RPS6KA3: variants seen among roughly 807,000 people sequenced by gnomAD.
RPS6KA3 encodes ribosomal protein S6 kinase alpha-3.
RPS6KA3 carries 4 observed loss-of-function variants against 67.2 expected under a neutral mutation model. The observed-to-expected ratio is 0.06, with a 90% confidence interval of 0.03 to 0.14. The LOEUF (loss-of-function observed/expected upper bound fraction) is 0.14. Among genes scored for constraint, RPS6KA3 ranks in the 10% least tolerant of loss-of-function variants. The probability of loss-of-function intolerance (pLI) is 1.00; values close to 1 mark genes in which losing one functional copy is unlikely to be tolerated. For missense variants in RPS6KA3, 204 were observed against 559.0 expected, an observed-to-expected ratio of 0.36 and a Z score of 6.40; for synonymous variants, 182 against 183.7, an observed-to-expected ratio of 0.99 and a Z score of 0.07.
intron 2 of RPS6KA3, among the ~76,000 whole-genome samples, chrX:20,228,547 T>C (rs1285032641): frequency 9.0e-6 from 1 of 111,287 alleles, no homozygotes; most frequent in Non-Finnish European, 1.9e-5. Flanking sequence ...ACAGCTTCTC[T>C]GGTTTTCTCT....
intron 10 of RPS6KA3, among the ~76,000 whole-genome samples, 198 bp downstream of exon 10, chrX:20,186,098 T>C (rs976004156): frequency 1.8e-5 from 2 of 111,118 alleles, no homozygotes; most frequent in Non-Finnish European, 3.8e-5. Flanking sequence ...TGTACCACCA[T>C]GCCCGGCTAA....
At chrX:20,246,275 A>G (rs971525285) in intron 1 of RPS6KA3, among the ~76,000 whole-genome samples, 2 of 110,295 alleles carry the variant, frequency 1.8e-5, no homozygotes, top group Non-Finnish European at 3.8e-5. Context: ...CTAATCCATA[A>G]AATTTGGATC....
intron 1 of RPS6KA3, among the ~76,000 whole-genome samples, chrX:20,256,684 T>C (rs1190830793): frequency 8.9e-6 from 1 of 111,995 alleles, no homozygotes; most frequent in Admixed American, 9.5e-5. Flanking sequence ...TAACATCAAC[T>C]TCACTCAGTT....
intron 13 of RPS6KA3, among the ~76,000 whole-genome samples, 187 bp from the exon 14 acceptor site, chrX:20,175,475 C>T (rs930082590): frequency 8.9e-6 from 1 of 112,042 alleles, no homozygotes; most frequent in African/African-American, 3.2e-5. Flanking sequence ...ATTGCCATTA[C>T]AACACCAACA....
intron 4 of RPS6KA3, among the ~76,000 whole-genome samples, chrX:20,199,763 C>T (rs1003728954): frequency 3.6e-5 from 4 of 111,797 alleles, no homozygotes; most frequent in African/African-American, 9.7e-5. Flanking sequence ...TCTAAAGACT[C>T]CCAAAGAGGA....
At chrX:20,210,805 C>T (rs2085269428) in intron 2 of RPS6KA3, among the ~76,000 whole-genome samples, 1 of 110,945 alleles carries the variant, frequency 9.0e-6, no homozygotes, top group Admixed American at 9.6e-5. Flanking sequence ...ATTCTCACAA[C>T]GATCCTGTGC....
chrX:20,235,443 A>T (rs1275518765), intron 1 of RPS6KA3: 1 of 111,154 alleles, frequency 9.0e-6, no homozygotes, highest in African/African-American at 3.3e-5. Flanking sequence ...AAGGCAACAT[A>T]TAACAAAGGG....
intron 10 of RPS6KA3, 139 bp from the exon 11 acceptor site, chrX:20,177,223 G>A (rs2067721025): frequency 2.1e-6 from 1 of 484,198 alleles, no homozygotes; most frequent in Non-Finnish European, 3.6e-6. Context: ...GATCCCCTGT[G>A]CCCTTTACCC....
At chrX:20,257,472 A>T (rs892868087) in intron 1 of RPS6KA3, among the ~76,000 whole-genome samples, 1 of 112,536 alleles carries the variant, frequency 8.9e-6, no homozygotes, top group African/African-American at 3.2e-5. Flanking sequence ...TTAGTGAAAT[A>T]AATGTGCTGC....
intron 1 of RPS6KA3, among the ~76,000 whole-genome samples, chrX:20,264,337 C>T (rs1331939421): frequency 1.8e-5 from 2 of 111,871 alleles, no homozygotes; most frequent in African/African-American, 6.5e-5. Flanking sequence ...CCAAATGAGA[C>T]CTCTTATAAT....
At chrX:20,266,475 G>C (rs958217419) in intron 1 of RPS6KA3, 89 bp downstream of exon 1, 8 of 761,179 alleles carry the variant, frequency 1.1e-5, no homozygotes, top group African/African-American at 2.1e-5. Context: ...GGATCAGAAC[G>C]GGCCGAGTGG....
intron 4 of RPS6KA3, among the ~76,000 whole-genome samples, chrX:20,199,590 C>G (rs1257254888): frequency 8.9e-6 from 1 of 111,970 alleles, no homozygotes; most frequent in Non-Finnish European, 1.9e-5. Flanking sequence ...AAGAGCAGCA[C>G]TTACAAATGT....
chrX:20,203,554 C>T (rs990608175), intron 4 of RPS6KA3: 8 of 116,202 alleles, frequency 6.9e-5, no homozygotes, highest in Non-Finnish European at 1.2e-4. Flanking sequence ...TGAGCCACCA[C>T]GCCCGGCCTC....
chrX:20,173,328 C>G (rs1402288697), intron 14 of RPS6KA3, among the ~76,000 whole-genome samples: 3 of 111,851 alleles, frequency 2.7e-5, no homozygotes, highest in Non-Finnish European at 5.6e-5. Flanking sequence ...TAACTTTGAG[C>G]CTGTATTTTC....
At chrX:20,171,226 A>G (rs57381178) in intron 15 of RPS6KA3, among the ~76,000 whole-genome samples, 7,826 of 111,998 alleles carry the variant, frequency 0.07, 647 homozygotes, top group African/African-American at 0.23. Flanking sequence ...TAAGTTTTGG[A>G]GAGTCAAGTT....
chrX:20,165,164 T>TA, intron 17 of RPS6KA3, 104 bp from the exon 18 acceptor site: 1 of 607,696 alleles, frequency 1.6e-6, no homozygotes, highest in Admixed American at 2.4e-5. Flanking sequence ...AGATGATGAG[T>TA]GCTGACCTTT....
At chrX:20,193,684 T>C (rs907896355) in intron 6 of RPS6KA3, 91 bp from the exon 7 acceptor site, 2 of 526,808 alleles carry the variant, frequency 3.8e-6, no homozygotes, top group Non-Finnish European at 6.2e-6. Context: ...ATCCTAAAAA[T>C]TTTATAAATA....
intron 1 of RPS6KA3, among the ~76,000 whole-genome samples, chrX:20,237,134 CA>C (rs2069431177): frequency 9.0e-6 from 1 of 111,674 alleles, no homozygotes; most frequent in Non-Finnish European, 1.9e-5. Flanking sequence ...AGTAAACAAT[CA>C]ATGTCAGTTA....
At chrX:20,183,606 T>C (rs776599291) in intron 10 of RPS6KA3, among the ~76,000 whole-genome samples, 1 of 112,335 alleles carries the variant, frequency 8.9e-6, no homozygotes, top group South Asian at 3.7e-4. Context: ...CTTTATTCTT[T>C]TGCATAGATC....
Sources: allele counts gnomAD v4.1 joint callset (sites outside exome capture counted in the v4.1 genomes callset), GRCh38; gene constraint gnomAD v4.1.1; transcripts MANE v1.5; gene names NCBI Gene and HGNC (gene_info 2026-07-23, HGNC 2026-07-21).